The following ADGRL3 variants were observed in gnomAD, a reference collection of about 807,000 sequenced individuals.
ADGRL3 encodes the protein calcium-independent alpha-latrotoxin receptor 3.
ADGRL3 carries 62 observed loss-of-function variants against 153.5 expected under a neutral mutation model. The observed-to-expected ratio is 0.40, with a 90% confidence interval of 0.33 to 0.50. The LOEUF (loss-of-function observed/expected upper bound fraction) is 0.50, where lower values mean the gene tolerates loss of function less well. Ranked by LOEUF, ADGRL3 falls within the 20% of genes least tolerant of loss-of-function variation. ADGRL3 has a pLI of 0.47. For missense variants in ADGRL3, 1,641 were observed against 1,859.4 expected (o/e 0.88, Z 2.16); for synonymous variants, 710 against 672.5 (o/e 1.06, Z -0.86).
intron 1 of ADGRL3, among the ~76,000 whole-genome samples, chr4:61,307,838 G>T (rs549046507): frequency 3.4e-4 from 52 of 152,276 alleles, no homozygotes; most frequent in African/African-American, 1.2e-3. Context: ...TGTCCTGTTG[G>T]TTGGAGGCTG....
intron 5 of ADGRL3, among the ~76,000 whole-genome samples, chr4:61,651,541 T>G (rs2094249312): frequency 6.6e-6 from 1 of 152,100 alleles, no homozygotes; most frequent in African/African-American, 2.4e-5. Flanking sequence ...GGGGAGGGCT[T>G]AAAATATCAT....
chr4:61,332,202 C>T (rs1160564795), intron 1 of ADGRL3, among the ~76,000 whole-genome samples: 1 of 152,038 alleles, frequency 6.6e-6, no homozygotes, highest in Non-Finnish European at 1.5e-5. Context: ...GACTTGAAAA[C>T]AAACTATATC....
intron 1 of ADGRL3, among the ~76,000 whole-genome samples, chr4:61,358,529 G>A (rs941518311): frequency 8.0e-5 from 12 of 150,100 alleles, no homozygotes; most frequent in Admixed American, 2.0e-4. Flanking sequence ...CTCGGGAGGC[G>A]GAGCTTGCAG....
At chr4:61,366,819 C>T (rs2096406823) in intron 1 of ADGRL3, among the ~76,000 whole-genome samples, 4 of 152,004 alleles carry the variant, frequency 2.6e-5, no homozygotes, top group Admixed American at 2.6e-4. Flanking sequence ...TATTCATATA[C>T]CTAATGTTGA....
At chr4:61,920,692 A>G (rs2098764708) in intron 13 of ADGRL3, among the ~76,000 whole-genome samples, 1 of 152,202 alleles carries the variant, frequency 6.6e-6, no homozygotes, top group African/African-American at 2.4e-5. Flanking sequence ...TTCCATCCCC[A>G]AGATGACAAG....
intron 21 of ADGRL3, among the ~76,000 whole-genome samples, chr4:62,006,523 T>G (rs2099159806): frequency 6.6e-6 from 1 of 151,884 alleles, no homozygotes; most frequent in Admixed American, 6.6e-5. Flanking sequence ...GATGCTGAGT[T>G]GGAAGTTGGA....
chr4:61,421,557 T>C (rs777379600), intron 2 of ADGRL3, among the ~76,000 whole-genome samples: 25 of 152,192 alleles, frequency 1.6e-4, no homozygotes, highest in Non-Finnish European at 2.4e-4. Flanking sequence ...TTACATTTTA[T>C]ACAGAGAAAT....
chr4:61,626,261 C>G (rs143499491), intron 5 of ADGRL3, among the ~76,000 whole-genome samples: 1 of 151,868 alleles, frequency 6.6e-6, no homozygotes, highest in South Asian at 2.1e-4. Context: ...TTCTTTTTCT[C>G]TAAATATCCA....
chr4:61,592,797 C>A (rs952495100), intron 5 of ADGRL3, among the ~76,000 whole-genome samples: 3 of 152,000 alleles, frequency 2.0e-5, no homozygotes, highest in Non-Finnish European at 4.4e-5. Flanking sequence ...GTAAATGATT[C>A]AAATATTTCA....
intron 1 of ADGRL3, among the ~76,000 whole-genome samples, chr4:61,264,615 A>T (rs1262910266): frequency 1.3e-5 from 2 of 151,958 alleles, no homozygotes; most frequent in African/African-American, 4.8e-5. Context: ...TGCTTTCTTT[A>T]TGTCAAATTG....
At chr4:61,296,243 C>T (rs17219732) in intron 1 of ADGRL3, among the ~76,000 whole-genome samples, 39,392 of 151,956 alleles carry the variant, frequency 0.26, 5,833 homozygotes, top group East Asian at 0.42. Context: ...AGACTTGTGT[C>T]GGAGTGCAGC....
At chr4:61,861,757 T>C (rs1177195321) in intron 9 of ADGRL3, among the ~76,000 whole-genome samples, 2 of 152,168 alleles carry the variant, frequency 1.3e-5, no homozygotes, top group Non-Finnish European at 2.9e-5. Flanking sequence ...GCCAAGAAGA[T>C]TTGAAGATTG....
intron 1 of ADGRL3, among the ~76,000 whole-genome samples, chr4:61,228,233 T>C (rs537433707): frequency 4.6e-5 from 7 of 152,366 alleles, no homozygotes; most frequent in Admixed American, 6.5e-5. Context: ...GCTATGAGAA[T>C]GATGATGTCC....
At chr4:61,732,207 G>A (rs570998255) in intron 7 of ADGRL3, among the ~76,000 whole-genome samples, 11 of 152,002 alleles carry the variant, frequency 7.2e-5, no homozygotes, top group African/African-American at 2.7e-4. Context: ...CTCTGTGTGT[G>A]TTGTAGCAAC....
chr4:61,825,863 G>T (rs2097795525), intron 9 of ADGRL3, among the ~76,000 whole-genome samples: 1 of 152,144 alleles, frequency 6.6e-6, no homozygotes, highest in Non-Finnish European at 1.5e-5. Flanking sequence ...TTGCTCTGGG[G>T]TGTCTAGATA....
intron 6 of ADGRL3, among the ~76,000 whole-genome samples, chr4:61,693,326 G>C (rs922801912): frequency 6.6e-6 from 1 of 151,546 alleles, no homozygotes; most frequent in Admixed American, 6.6e-5. Context: ...TCAGAGTAAT[G>C]AATAGCTCTA....
intron 1 of ADGRL3, among the ~76,000 whole-genome samples, chr4:61,279,201 T>C (rs1342809345): frequency 6.6e-6 from 1 of 152,190 alleles, no homozygotes; most frequent in South Asian, 2.1e-4. Flanking sequence ...GGACTGAGTT[T>C]TGAAGCCAAA....
intron 8 of ADGRL3, among the ~76,000 whole-genome samples, chr4:61,756,714 G>C (rs535338453): frequency 6.6e-6 from 1 of 152,264 alleles, no homozygotes; most frequent in Admixed American, 6.5e-5. Context: ...CAAAGGGAAT[G>C]CTTCCAGTTT....
rs187554913 is a variant in ADGRL3 at position 62,046,601 on chromosome 4, T to C, written c.3814+2052T>C. The stretch of plus-strand genomic sequence containing the variant: ...TCATACAGCTGTTAAAGGAAGGGTA[T>C]ACAATTTCTTGTGACGTTGAATAAA... On this transcript the variant is annotated intron_variant, in intron 25 of 26. Coordinates refer to ENST00000683033, the MANE Select transcript of ADGRL3 (RefSeq NM_001387552.1). 3.4e-4 allele frequency among the ~76,000 whole-genome samples: 52 copies of C among 152,114 alleles called. 1 individual carries two copies. The East Asian group carries it at 9.4e-3, about 28-fold the overall frequency.
Sources: allele counts gnomAD v4.1 joint callset (sites outside exome capture counted in the v4.1 genomes callset), GRCh38; gene constraint gnomAD v4.1.1; transcripts MANE v1.5; gene names NCBI Gene and HGNC (gene_info 2026-07-23, HGNC 2026-07-21).